KLHDC4: variants seen among roughly 807,000 people sequenced by gnomAD.
KLHDC4 encodes the protein kelch domain-containing protein 4.
KLHDC4 carries 90 observed loss-of-function variants against 62.4 expected under a neutral mutation model. The observed-to-expected ratio is 1.44, with a 90% CI of 1.22 to 1.72. The LOEUF (loss-of-function observed/expected upper bound fraction) is 1.72. Among genes scored for constraint, KLHDC4 ranks in the 40% most tolerant of loss-of-function variants. The pLI, the probability that KLHDC4 is intolerant of heterozygous loss-of-function variation, is 0.00. For missense variants in KLHDC4, 1,025 were observed against 699.7 expected (o/e 1.47, Z -5.25); for synonymous variants, 386 against 284.4 (o/e 1.36, Z -3.59).
At position 87,709,666 on chromosome 16, in the gene KLHDC4, C is replaced by T. The variant is rs1482771817; in HGVS notation, c.1046G>A (p.Gly349Glu). The T allele has an allele frequency of 1.3e-6, 2 of 1,590,904 alleles. No homozygotes were observed. The highest frequency in any genetic ancestry group is 8.6e-7 in the Non-Finnish European group (1 of 1,167,874). The part of the protein sequence containing the change: ...RNRWFEGQLK[G>E]PKSEKKKRRR... ...GCGTTTCTTCTTTTCAGACTTGGGT[C>T]CCTATTAATAGACCGAGGAAGCAGA... Residue 349 changes from glycine to glutamate, a missense_variant and splice_region_variant, in exon 10 of 12, where the codon GGA becomes GAA. Transcript: ENST00000270583.
At chr16:87,753,628 C>T (rs1353058473) in intron 4 of KLHDC4, among the ~76,000 whole-genome samples, 2 of 150,798 alleles carry the variant, frequency 1.3e-5, no homozygotes, top group Non-Finnish European at 1.5e-5. Flanking sequence ...GGTGAAACCC[C>T]GTCTCTACTG....
At chr16:87,743,520 A>G (rs904178598) in intron 5 of KLHDC4, among the ~76,000 whole-genome samples, 2 of 151,978 alleles carry the variant, frequency 1.3e-5, no homozygotes, top group African/African-American at 4.8e-5. Flanking sequence ...TGGGTGGATC[A>G]TGAGGGTCAG....
In KLHDC4 at chr16:87,730,586, A is replaced by G. The variant is rs1462866856; in HGVS notation, c.565T>C (p.Leu189=). The G allele has an allele frequency of 3.7e-6, 6 of 1,613,054 alleles. No homozygotes were observed. The highest frequency in any genetic ancestry group is 3.4e-6 in the Non-Finnish European group (4 of 1,179,792). Residue 189 remains leucine, a synonymous_variant, in exon 6 of 12, where the codon TTG becomes CTG. Coordinates refer to ENST00000270583, the MANE Select transcript of KLHDC4 (RefSeq NM_017566.4). ...TCATGGAAGCCACCAAACAGGATCA[A>G]TTGTCTCTTCCAGGCCACCATCCGA... ...GHRMVAWKRQ[L]ILFGGFHEST...
At chr16:87,715,888 G>A (rs1409534384) in intron 7 of KLHDC4, among the ~76,000 whole-genome samples, 1 of 152,202 alleles carries the variant, frequency 6.6e-6, no homozygotes, top group Non-Finnish European at 1.5e-5. Flanking sequence ...GGCATGCTCT[G>A]TGCCTCATGG....
At chr16:87,742,696 T>G (rs2042407157) in intron 5 of KLHDC4, among the ~76,000 whole-genome samples, 1 of 152,114 alleles carries the variant, frequency 6.6e-6, no homozygotes, top group South Asian at 2.1e-4. Context: ...AGGAGCAGTC[T>G]CCTGGGCTCC....
intron 2 of KLHDC4, among the ~76,000 whole-genome samples, chr16:87,760,265 C>T (rs572813473): frequency 5.3e-4 from 79 of 149,692 alleles, no homozygotes; most frequent in Non-Finnish European, 9.3e-4. Context: ...AGGCCAGGTA[C>T]GGTGACTTGA....
intron 7 of KLHDC4, among the ~76,000 whole-genome samples, chr16:87,725,009 C>A (rs1187898960): frequency 2.0e-5 from 3 of 152,218 alleles, no homozygotes; most frequent in Admixed American, 2.0e-4. Flanking sequence ...TAATGGAACA[C>A]TTCAGCACGA....
intron 4 of KLHDC4, among the ~76,000 whole-genome samples, chr16:87,749,061 T>C (rs985646566): frequency 1.3e-5 from 2 of 151,034 alleles, no homozygotes; most frequent in Admixed American, 6.6e-5. Flanking sequence ...TAAACATCCA[T>C]TTACATGTAG....
chr16:87,721,442 C>T (rs920991534), intron 7 of KLHDC4, among the ~76,000 whole-genome samples: 2 of 133,506 alleles, frequency 1.5e-5, no homozygotes, highest in Non-Finnish European at 3.3e-5. Flanking sequence ...AAAAAAAATA[C>T]ACCCAGAAAC....
downstream of KLHDC4, among the ~76,000 whole-genome samples, chr16:87,706,689 A>G (rs112578789): frequency 0.029 from 4,371 of 152,274 alleles, 121 homozygotes; most frequent in East Asian, 0.089. Flanking sequence ...TTCAAGTGCC[A>G]CCCACCGAGG....
chr16:87,738,351 G>A (rs562784770), intron 5 of KLHDC4, among the ~76,000 whole-genome samples: 3 of 144,418 alleles, frequency 2.1e-5, no homozygotes, highest in East Asian at 2.0e-4. Context: ...GCGCACACAC[G>A]GACGTGCACA....
At chr16:87,731,394 G>C (rs1434644021) in intron 5 of KLHDC4, among the ~76,000 whole-genome samples, 1 of 151,630 alleles carries the variant, frequency 6.6e-6, no homozygotes, top group Non-Finnish European at 1.5e-5. Flanking sequence ...TTAATAGTAA[G>C]ATAAATGACC....
In KLHDC4 at chr16:87,735,115, T is replaced by G. The variant is rs1305278188; in HGVS notation, c.507-4471A>C. Among the ~76,000 whole-genome samples the G allele has an allele frequency of 4.0e-5, 6 of 150,378 alleles. No homozygotes were observed. In the East Asian group the frequency reaches 9.8e-4, roughly 25 times the overall value. On this transcript the variant is annotated intron_variant, in intron 5 of 11. Coordinates refer to ENST00000270583, the MANE Select transcript of KLHDC4 (RefSeq NM_017566.4). ...AGACCTTCATTCAAAACTAAACCAG[T>G]GCTGAAACCCCGTCTCTACTAAAAA...
At chr16:87,748,854 A>G in intron 4 of KLHDC4, 45 bp from the exon 5 acceptor site, 1 of 1,608,088 alleles carries the variant, frequency 6.2e-7, no homozygotes, top group Non-Finnish European at 8.5e-7. Flanking sequence ...CACACAGCAG[A>G]AGGGCCAGTG....
In KLHDC4 at chr16:87,732,316, G is replaced by C. The variant is rs79342049; in HGVS notation, c.507-1672C>G. Among the ~76,000 whole-genome samples, 13 of 152,038 alleles carry C rather than the reference G, an allele frequency of 8.6e-5. No individual in the cohort carries two copies. The East Asian group carries it at 1.5e-3, about 18-fold the overall frequency. On this transcript the variant is annotated intron_variant, in intron 5 of 11. Transcript: ENST00000270583. ...TCATCATATTGGTCAGGCTGGTCTCGAACTCCTGACCTCAGGTGATTTGCC... is the reference window on the plus strand; with the variant it reads ...TCATCATATTGGTCAGGCTGGTCTCCAACTCCTGACCTCAGGTGATTTGCC...
In KLHDC4 at chr16:87,699,842, T is replaced by C. The variant is rs565279544; in HGVS notation, c.*1797A>G. Reference sequence around the variant, plus strand: ...TCTAACCACACTTGCTCCTTTTCACTTGTAGAAGCACATGGCCACCGCGTC... The same window carrying C: ...TCTAACCACACTTGCTCCTTTTCACCTGTAGAAGCACATGGCCACCGCGTC... On this transcript the variant is annotated 3_prime_UTR_variant, in exon 1 of 1. Transcript: ENST00000446344. The C allele has an allele frequency of 3.8e-3, 580 of 152,362 alleles. 2 individuals are homozygous for C. Among genetic ancestry groups the C allele is most frequent in the African/African-American group, 8.4e-3 (348 of 41,572 alleles). The allele number at this position is 152,362 out of a possible 1,614,324, so 9.4% of individuals were successfully genotyped here. A position where few individuals can be genotyped will look rare whatever the true frequency, so the allele number is the denominator to read the frequency against.
chr16:87,755,764 C>T lies in KLHDC4; in HGVS notation c.271-472G>A, dbSNP rs934739290. 3 of 169,914 alleles carry T rather than the reference C, an allele frequency of 1.8e-5. No individual in the cohort carries two copies. In the South Asian group the frequency reaches 4.1e-4, roughly 23 times the overall value. 10.5% of individuals were successfully genotyped at this position (169,914 alleles called of 1,614,324 possible). ...ATCGTTAGCAGAGACTGGGTTTCAC[C>T]ACATTGGCCAGACTGCTCTCAAACT... is the stretch of plus-strand genomic sequence containing the variant. On this transcript the variant is annotated intron_variant, in intron 3 of 11. Transcript: ENST00000270583.
chr16:87,714,833 C>T (rs1459528831), intron 7 of KLHDC4, among the ~76,000 whole-genome samples: 1 of 152,204 alleles, frequency 6.6e-6, no homozygotes, highest in Non-Finnish European at 1.5e-5. Context: ...TGTCGGGGCA[C>T]GCACAGCTTC....
At chr16:87,765,677 C>G (rs541543165) in intron 1 of KLHDC4, 115 bp downstream of exon 1, 1 of 1,026,852 alleles carries the variant, frequency 9.7e-7, no homozygotes, top group African/African-American at 1.6e-5. Flanking sequence ...CTCCAGCTCT[C>G]CCGCAGGGCC....
Sources: allele counts gnomAD v4.1 joint callset (sites outside exome capture counted in the v4.1 genomes callset), GRCh38; gene constraint gnomAD v4.1.1; transcripts MANE v1.5; gene names NCBI Gene and HGNC (gene_info 2026-07-23, HGNC 2026-07-21).